The following PBX1 variants were observed in gnomAD, a reference collection of about 807,000 sequenced individuals.
The protein encoded by PBX1 is PBX homeobox 1.
Under a neutral mutation model 53.4 loss-of-function variants are expected in PBX1, and 6 were observed. The ratio of observed to expected loss-of-function variants is 0.11; its 90% CI spans 0.06 to 0.22. PBX1 has a LOEUF of 0.22. PBX1 is among the 10% of genes least tolerant of loss of function. The probability of loss-of-function intolerance (pLI) is 1.00; values close to 1 mark genes in which losing one functional copy is unlikely to be tolerated. For missense variants in PBX1, 251 were observed against 551.4 expected (o/e 0.46, Z 5.46); for synonymous variants, 204 against 212.3 (o/e 0.96, Z 0.34).
chr1:164,693,794 G>GT (rs1157570523), intron 2 of PBX1, among the ~76,000 whole-genome samples: 9 of 152,190 alleles, frequency 5.9e-5, no homozygotes, highest in African/African-American at 2.2e-4. Flanking sequence ...CTCCTGGAAG[G>GT]TAATTTGCTG....
chr1:164,690,898 A>T (rs569774168), intron 2 of PBX1, among the ~76,000 whole-genome samples: 3 of 151,924 alleles, frequency 2.0e-5, no homozygotes, highest in Non-Finnish European at 4.4e-5. Flanking sequence ...GCTGCATTAC[A>T]GTTTGAAGTC....
chr1:164,803,620 G>A (rs1026850939), intron 4 of PBX1, among the ~76,000 whole-genome samples: 2 of 152,154 alleles, frequency 1.3e-5, no homozygotes, highest in African/African-American at 4.8e-5. Context: ...TTTGGGGAAC[G>A]CAGAGGCATA....
intron 2 of PBX1, among the ~76,000 whole-genome samples, chr1:164,624,805 G>A (rs1657930167): frequency 6.6e-6 from 1 of 152,160 alleles, no homozygotes; most frequent in Non-Finnish European, 1.5e-5. Flanking sequence ...TACTTGCAAT[G>A]TTTTGACATT....
At chr1:164,870,131 C>T (rs765642315) in intron 2 of PBX1, among the ~76,000 whole-genome samples, 1 of 152,174 alleles carries the variant, frequency 6.6e-6, no homozygotes. Flanking sequence ...TTGCTACTTA[C>T]CAGCTCTATG....
chr1:164,683,425 A>G (rs1391002324), intron 2 of PBX1: 1 of 152,178 alleles, frequency 6.6e-6, no homozygotes, highest in Non-Finnish European at 1.5e-5. Flanking sequence ...TTACGCAACA[A>G]AGGAGATAAG....
chr1:164,772,163 C>T (rs929285562), intron 2 of PBX1, among the ~76,000 whole-genome samples: 2 of 152,344 alleles, frequency 1.3e-5, no homozygotes, highest in Admixed American at 1.3e-4. Flanking sequence ...CCTGTAGCAA[C>T]AACACCTTGT....
At chr1:164,620,962 C>T (rs982537755) in intron 2 of PBX1, among the ~76,000 whole-genome samples, 3 of 151,838 alleles carry the variant, frequency 2.0e-5, no homozygotes, top group African/African-American at 4.8e-5. Flanking sequence ...GGGTTACAGG[C>T]GTGAGCCACT....
At chr1:164,700,465 T>G in intron 2 of PBX1, 3 of 985,390 alleles carry the variant, frequency 3.0e-6, no homozygotes, top group Non-Finnish European at 3.6e-6. Flanking sequence ...TCATGTTACT[T>G]GATTCTCTTA....
intron 2 of PBX1, among the ~76,000 whole-genome samples, chr1:164,860,806 C>T (rs1672078897): frequency 6.6e-6 from 1 of 152,192 alleles, no homozygotes; most frequent in South Asian, 2.1e-4. Flanking sequence ...ATCTCCCTCA[C>T]ATACAGAACA....
At chr1:164,730,394 G>T (rs1664912153) in intron 2 of PBX1, among the ~76,000 whole-genome samples, 1 of 152,166 alleles carries the variant, frequency 6.6e-6, no homozygotes, top group Non-Finnish European at 1.5e-5. Flanking sequence ...AGTAGTAGGA[G>T]ATATGGGTCT....
intron 2 of PBX1, among the ~76,000 whole-genome samples, chr1:164,870,343 T>TTCTTTCTTTCTTTCTTTC (rs1672348302): frequency 8.4e-6 from 1 of 119,384 alleles, no homozygotes; most frequent in Non-Finnish European, 1.7e-5. Flanking sequence ...CTTTCTTTCT[T>TTCTTTCTTTCTTTCTTTC]TCTTTCTTTC....
chr1:164,571,292 A>G (rs1557866496), intron 2 of PBX1, among the ~76,000 whole-genome samples: 2 of 152,182 alleles, frequency 1.3e-5, no homozygotes, highest in Admixed American at 1.3e-4. Flanking sequence ...GAACATTTTT[A>G]TCAGCCTCCT....
chr1:164,797,999 TG>T (rs1327076014), intron 3 of PBX1, among the ~76,000 whole-genome samples: 2 of 152,204 alleles, frequency 1.3e-5, no homozygotes, highest in African/African-American at 2.4e-5. Flanking sequence ...CACAAGAGCA[TG>T]GGTGCCATTA....
At chr1:164,681,250 C>A (rs1005318159) in intron 2 of PBX1, among the ~76,000 whole-genome samples, 1 of 152,100 alleles carries the variant, frequency 6.6e-6, no homozygotes, top group Non-Finnish European at 1.5e-5. Flanking sequence ...CAAACTCAAC[C>A]TAAGAACTAG....
At chr1:164,760,267 G>C (rs528808662) in intron 2 of PBX1, among the ~76,000 whole-genome samples, 2 of 152,130 alleles carry the variant, frequency 1.3e-5, no homozygotes, top group East Asian at 3.9e-4. Context: ...CTCCAAAATA[G>C]TGCCCCTTAT....
chr1:164,729,862 A>G (rs1664890303), intron 2 of PBX1, among the ~76,000 whole-genome samples: 1 of 152,216 alleles, frequency 6.6e-6, no homozygotes, highest in Admixed American at 6.5e-5. Context: ...ATAAGTAAAT[A>G]TTACTGAATA....
At chr1:164,737,276 T>A (rs1042054519) in intron 2 of PBX1, among the ~76,000 whole-genome samples, 6 of 152,206 alleles carry the variant, frequency 3.9e-5, no homozygotes, top group Non-Finnish European at 8.8e-5. Context: ...AGAGATGTAC[T>A]GGATAAGTCG....
intron 8 of PBX1, among the ~76,000 whole-genome samples, chr1:164,832,334 C>G (rs1392978962): frequency 6.6e-6 from 1 of 152,168 alleles, no homozygotes; most frequent in African/African-American, 2.4e-5. Flanking sequence ...AGGCTTACGA[C>G]TAGTTCATTT....
chr1:164,789,545 C>G (rs1668386933), intron 2 of PBX1, among the ~76,000 whole-genome samples: 1 of 152,156 alleles, frequency 6.6e-6, no homozygotes, highest in Non-Finnish European at 1.5e-5. Context: ...CTTGGGGTAC[C>G]CATGTGATTG....
Sources: gnomAD v4.1 joint callset for allele counts (sites outside exome capture counted in the v4.1 genomes callset) on GRCh38, gnomAD v4.1.1 for gene constraint, MANE v1.5 for transcripts, NCBI Gene and HGNC (gene_info 2026-07-23, HGNC 2026-07-21) for gene names.